The following NR2F2 variants were observed in gnomAD, a reference collection of about 807,000 sequenced individuals.
The protein encoded by NR2F2 is nuclear receptor subfamily 2 group F member 2, also known as COUP transcription factor 2.
A neutral mutation model predicts 34.8 loss-of-function variants in NR2F2; 2 were observed. That is an observed-to-expected ratio of 0.06 (90% CI 0.02 to 0.18). The LOEUF (loss-of-function observed/expected upper bound fraction) is 0.18. NR2F2 is among the 10% of genes least tolerant of loss of function. The pLI, the probability that NR2F2 is intolerant of heterozygous loss-of-function variation, is 1.00. For synonymous variants in NR2F2, 274 were observed against 251.8 expected, an observed-to-expected ratio of 1.09 and a Z score of -0.84; for missense variants, 300 against 580.1, an observed-to-expected ratio of 0.52 and a Z score of 4.96.
Position 96,331,523 on chromosome 15 carries a change from G to T in NR2F2, c.-583G>T. On this transcript the variant is annotated 5_prime_UTR_variant, in exon 1 of 3. Coordinates refer to ENST00000394166, the MANE Select transcript of NR2F2 (RefSeq NM_021005.4). ...GTGGGCTGCCCTGGACTTGGCCCCC[G>T]GACAGTCGCCTCTCCTCCTCCTCTA... 1 of 1,229,796 alleles carries T rather than the reference G, an allele frequency of 8.1e-7. No homozygotes were observed. The highest frequency in any genetic ancestry group is 4.2e-5 in the Admixed American group (1 of 23,538). 76.2% of individuals were successfully genotyped at this position (1,229,796 alleles called of 1,614,324 possible).
At chr15:96,332,953 A>C (rs887735087) in intron 1 of NR2F2, among the ~76,000 whole-genome samples, 23 of 151,194 alleles carry the variant, frequency 1.5e-4, no homozygotes, top group Non-Finnish European at 1.3e-4. Context: ...AAAAAAAAAA[A>C]AAAAAAACCT....
intron 1 of NR2F2, 120 bp from the exon 2 acceptor site, chr15:96,333,956 T>C: frequency 6.6e-7 from 1 of 1,508,836 alleles, no homozygotes; most frequent in Non-Finnish European, 8.8e-7. Flanking sequence ...CAGGCCTGCC[T>C]GGTTCTTGCG....
upstream of NR2F2, among the ~76,000 whole-genome samples, chr15:96,326,721 G>A (rs1047845049): frequency 6.6e-6 from 1 of 152,146 alleles, no homozygotes; most frequent in Non-Finnish European, 1.5e-5. The surrounding 1 kb of genome is among the most constrained non-coding windows in gnomAD (Gnocchi z 5.5). Context: ...CCTATAAAGC[G>A]TGGTTTTGCA....
chr15:96,337,961 C>T lies in NR2F2; in HGVS notation c.*339C>T, dbSNP rs571303294. On this transcript the variant is annotated 3_prime_UTR_variant, in exon 3 of 3. Transcript: ENST00000394166. ...AAGTGCATTTAAGGAGATTGGGAGA[C>T]AATTAGCAGAATGGAGAAAGTAAGT... 12 of 190,366 alleles carry T rather than the reference C, an allele frequency of 6.3e-5. No homozygotes were observed. In the South Asian group the frequency reaches 1.8e-3, roughly 29 times the overall value. The allele number at this position is 190,366 out of a possible 1,614,324, so 11.8% of individuals were successfully genotyped here.
chr15:96,329,624 G>C (rs1330635968), upstream of NR2F2, among the ~76,000 whole-genome samples: 1 of 152,120 alleles, frequency 6.6e-6, no homozygotes, highest in East Asian at 1.9e-4. Context: ...TGTGTACATT[G>C]ACAAATGTGC....
In NR2F2 at chr15:96,332,565, C is replaced by A; in HGVS notation, c.442+18C>A. The A allele has an allele frequency of 6.2e-7, 1 of 1,601,766 alleles. No individual in the cohort carries two copies. Among genetic ancestry groups the A allele is most frequent in the East Asian group, 2.2e-5 (1 of 44,514 alleles). The stretch of plus-strand genomic sequence containing the variant: ...ACGGGAAGGTATCGGCCTCTCATTT[C>A]TCCTTCCCTCGTCCTGGGTCCCGGG... On this transcript the variant is annotated intron_variant, in intron 1 of 2. Coordinates refer to ENST00000394166, the MANE Select transcript of NR2F2 (RefSeq NM_021005.4).
At chr15:96,336,414 G>T (rs1044807342) in intron 2 of NR2F2, among the ~76,000 whole-genome samples, 1 of 152,142 alleles carries the variant, frequency 6.6e-6, no homozygotes, top group African/African-American at 2.4e-5. Context: ...TTGCATGTGT[G>T]TTCTGGTTCT....
intron 2 of NR2F2, among the ~76,000 whole-genome samples, chr15:96,336,977 G>C (rs940368869): frequency 3.3e-5 from 5 of 152,044 alleles, no homozygotes; most frequent in Non-Finnish European, 2.9e-5. Flanking sequence ...GAGAGTGCTG[G>C]TAGTTTTGGT....
intron 2 of NR2F2, among the ~76,000 whole-genome samples, chr15:96,336,736 G>A (rs925016598): frequency 2.6e-5 from 4 of 152,108 alleles, no homozygotes; most frequent in Non-Finnish European, 5.9e-5. Context: ...AATGAACAGA[G>A]AGATCACGGT....
Position 96,334,544 on chromosome 15 carries a change from C to G in NR2F2, c.911C>G (p.Ala304Gly). Residue 304 changes from alanine (A) to glycine (G), a missense_variant, in exon 2 of 3, where the codon GCG (alanine) becomes GGG (glycine). Physicochemically the swap from Ala to Gly is moderately conservative, Grantham distance 60. Around this residue, in one of 6 missense-constraint regions of NR2F2, gnomAD observed 164 missense variants for 365.3 expected, o/e 0.45. Coordinates refer to ENST00000394166, the MANE Select transcript of NR2F2 (RefSeq NM_021005.4). Reference sequence around the variant, plus strand: ...CAAGAGCAAGTGGAGAAGCTCAAGGCGCTGCACGTTGACTCAGCCGAGTAC... The same window carrying G: ...CAAGAGCAAGTGGAGAAGCTCAAGGGGCTGCACGTTGACTCAGCCGAGTAC... Reference protein sequence around the residue: ...IFQEQVEKLKALHVDSAEYSC... With the variant: ...IFQEQVEKLKGLHVDSAEYSC... 6.2e-7 allele frequency: 1 copy of G among 1,613,268 alleles called. No individual in the cohort carries two copies. The highest frequency in any genetic ancestry group is 8.5e-7 in the Non-Finnish European group (1 of 1,179,860).
intron 1 of NR2F2, chr15:96,333,849 G>T: frequency 7.0e-7 from 1 of 1,421,036 alleles, no homozygotes. Flanking sequence ...CCCCGAGCGG[G>T]CCTCGGAGGC....
intron 2 of NR2F2, among the ~76,000 whole-genome samples, chr15:96,336,598 AAAG>A (rs1899334403): frequency 6.6e-6 from 1 of 151,968 alleles, no homozygotes; most frequent in Non-Finnish European, 1.5e-5. Flanking sequence ...ACGTATCAAA[AAAG>A]AAAAGTGTTT....
chr15:96,336,060 A>G (rs540408907), intron 2 of NR2F2, among the ~76,000 whole-genome samples: 3 of 152,268 alleles, frequency 2.0e-5, no homozygotes, highest in East Asian at 1.9e-4. Context: ...CTGTCCCACA[A>G]CCCAACACCC....
At chr15:96,328,274 T>C (rs1344504159), upstream of NR2F2, among the ~76,000 whole-genome samples, 5 of 152,232 alleles carry the variant, frequency 3.3e-5, no homozygotes, top group Admixed American at 6.5e-5. Context: ...AATTATTCCA[T>C]TTTAATCTAA....
intron 2 of NR2F2, 52 bp from the exon 3 acceptor site, chr15:96,337,296 C>T (rs931564296): frequency 2.5e-6 from 4 of 1,580,294 alleles, no homozygotes; most frequent in Non-Finnish European, 3.4e-6. Context: ...TCTTCTTCTT[C>T]TTCTTCTTCT....
Position 96,337,553 on chromosome 15 carries a change from C to T in NR2F2, c.1176C>T (p.Ile392=), listed in dbSNP as rs183902007. 5.0e-6 allele frequency: 8 copies of T among 1,614,048 alleles called. No individual in the cohort carries two copies. The highest frequency in any genetic ancestry group is 1.6e-4 in the Middle Eastern group (1 of 6,062). The change falls in exon 3 of 3, where the codon ATC becomes ATT. Residue 392 remains isoleucine (I), a synonymous_variant. Coordinates refer to ENST00000394166, the MANE Select transcript of NR2F2 (RefSeq NM_021005.4). ...FFVRLVGKTP[I]ETLIRDMLLS... is the part of the protein sequence containing the mutation. ...TCCGTTTGGTAGGTAAAACCCCCAT[C>T]GAAACCCTCATCCGGGATATGTTAC...
At chr15:96,327,923 T>A (rs1454133977), upstream of NR2F2, among the ~76,000 whole-genome samples, 2 of 152,146 alleles carry the variant, frequency 1.3e-5, no homozygotes, top group African/African-American at 4.8e-5. Flanking sequence ...TATAATAAAT[T>A]TACATCTGCA....
Position 96,339,797 on chromosome 15 carries a change from G to A in NR2F2, c.*2175G>A, listed in dbSNP as rs1899446971. 1 of 151,760 alleles carries A rather than the reference G, an allele frequency of 6.6e-6. No homozygotes were observed. Among genetic ancestry groups the A allele is most frequent in the South Asian group, 2.1e-4 (1 of 4,792 alleles). 9.4% of individuals were successfully genotyped at this position (151,760 alleles called of 1,614,324 possible). ...GCTTGCAATTTTGTTCTTATTCAAG[G>A]TTTCCAACCCACCCCCCCACCGCCA... is the stretch of plus-strand genomic sequence containing the variant. On this transcript the variant is annotated 3_prime_UTR_variant, in exon 3 of 3. Transcript: ENST00000394166.
chr15:96,331,707 C>G lies in NR2F2; in HGVS notation c.-399C>G. On this transcript the variant is annotated 5_prime_UTR_variant, in exon 1 of 3. Coordinates refer to ENST00000394166, the MANE Select transcript of NR2F2 (RefSeq NM_021005.4). ...TTTGGAGAGATTTTTTTTTTTGCCTCCTACTTCTGTCTTGAAGCCAGACAA... is the reference window on the plus strand; with the variant it reads ...TTTGGAGAGATTTTTTTTTTTGCCTGCTACTTCTGTCTTGAAGCCAGACAA... The G allele has an allele frequency of 1.9e-6, 2 of 1,034,130 alleles. No homozygotes were observed. The highest frequency in any genetic ancestry group is 3.6e-4 in the Middle Eastern group (1 of 2,740). The allele number at this position is 1,034,130 out of a possible 1,614,324, so 64.1% of individuals were successfully genotyped here.
Sources: gnomAD v4.1 joint callset for allele counts (sites outside exome capture counted in the v4.1 genomes callset) on GRCh38, gnomAD v4.1.1 for gene constraint, gnomAD v4.1.1 regional missense constraint, Gnocchi (gnomAD v3.1) non-coding constraint, MANE v1.5 for transcripts, NCBI Gene and HGNC (gene_info 2026-07-23, HGNC 2026-07-21) for gene names.